CAAP1: variants seen among roughly 807,000 people sequenced by gnomAD.
CAAP1 encodes caspase activity and apoptosis inhibitor 1.
CAAP1 carries 20 observed loss-of-function variants against 34.0 expected under a neutral mutation model. The observed-to-expected ratio is 0.59, with a 90% CI of 0.41 to 0.86. The LOEUF (loss-of-function observed/expected upper bound fraction) is 0.86, where lower values mean the gene tolerates loss of function less well. CAAP1 is among the 40% of genes least tolerant of loss of function. CAAP1 has a pLI of 0.00. For synonymous variants in CAAP1, 213 were observed against 166.7 expected (o/e 1.28, Z -2.14); for missense variants, 538 against 450.5 (o/e 1.19, Z -1.76).
chr9:26,872,606 G>GAC (rs1823307651), intron 4 of CAAP1, among the ~76,000 whole-genome samples: 2 of 147,824 alleles, frequency 1.4e-5, no homozygotes, highest in African/African-American at 5.2e-5. Context: ...GCCCAGGCTG[G>GAC]AGTGCAGTGG....
At chr9:26,846,643 G>C (rs930057405) in intron 5 of CAAP1, among the ~76,000 whole-genome samples, 4 of 151,674 alleles carry the variant, frequency 2.6e-5, no homozygotes, top group African/African-American at 9.7e-5. Context: ...TCTTGTAAAA[G>C]GTTGAAGAAA....
chr9:26,878,656 G>T (rs1192563443), intron 4 of CAAP1, among the ~76,000 whole-genome samples: 1 of 152,006 alleles, frequency 6.6e-6, no homozygotes, highest in South Asian at 2.1e-4. Flanking sequence ...AGTAAACCAA[G>T]TTCCACCACT....
Position 26,842,682 on chromosome 9 carries a change from T to C in CAAP1, c.740-35A>G, listed in dbSNP as rs1408384571. On this transcript the variant is annotated intron_variant, in intron 5 of 5. Transcript: ENST00000333916. ...AAAAAGGAGAAAGATCCATGTAACC[T>C]AAATACCATGGGTCACAATTTCCTT... is the stretch of plus-strand genomic sequence containing the variant. 25 of 1,496,748 alleles carry C rather than the reference T, an allele frequency of 1.7e-5. No individual in the cohort carries two copies. In the East Asian group the frequency reaches 4.8e-4, roughly 28 times the overall value. The allele number at this position is 1,496,748 out of a possible 1,614,324, so 92.7% of individuals were successfully genotyped here.
chr9:26,861,045 A>T (rs1822991719), intron 5 of CAAP1, 21 bp downstream of exon 5: 1 of 1,539,480 alleles, frequency 6.5e-7, no homozygotes, highest in African/African-American at 1.4e-5. Context: ...TTTATACAAT[A>T]ATCAAGTACT....
chr9:26,887,526 G>A lies in CAAP1; in HGVS notation c.304-13C>T. On this transcript the variant is annotated splice_polypyrimidine_tract_variant and intron_variant, in intron 1 of 5. Coordinates refer to ENST00000333916, the MANE Select transcript of CAAP1 (RefSeq NM_024828.4). ...TATATTTAGTTTCCTAAAGTTAAAA[G>A]AATAAAGAACCATTAAACAATACTA... is the stretch of plus-strand genomic sequence containing the variant. 1 of 1,508,536 alleles carries A rather than the reference G, an allele frequency of 6.6e-7. No homozygotes were observed. The highest frequency in any genetic ancestry group is 9.1e-7 in the Non-Finnish European group (1 of 1,104,790). 93.4% of individuals were successfully genotyped at this position (1,508,536 alleles called of 1,614,324 possible).
intron 5 of CAAP1, among the ~76,000 whole-genome samples, chr9:26,856,542 TAGA>T (rs779663811): frequency 4.3e-4 from 65 of 152,322 alleles, no homozygotes; most frequent in Admixed American, 8.5e-4. Flanking sequence ...AGAAAGGAAC[TAGA>T]AGATCAAGGC....
chr9:26,850,239 A>G (rs1348861124), intron 5 of CAAP1, among the ~76,000 whole-genome samples: 1 of 152,208 alleles, frequency 6.6e-6, no homozygotes. Context: ...ACTAGACTTT[A>G]TTTGAAGGAG....
chr9:26,885,184 C>G (rs1341503261), intron 3 of CAAP1, among the ~76,000 whole-genome samples: 1 of 149,092 alleles, frequency 6.7e-6, no homozygotes, highest in Non-Finnish European at 1.5e-5. Flanking sequence ...TCTAGCAATT[C>G]TCCTGCCTCA....
chr9:26,852,607 G>A (rs1482402875), intron 5 of CAAP1, among the ~76,000 whole-genome samples: 1 of 152,170 alleles, frequency 6.6e-6, no homozygotes, highest in Non-Finnish European at 1.5e-5. Context: ...AATAAGTTTA[G>A]ATTTCAGATT....
At chr9:26,887,561 T>C (rs779380221) in intron 1 of CAAP1, 48 bp from the exon 2 acceptor site, 10 of 1,129,062 alleles carry the variant, frequency 8.9e-6, no homozygotes, top group African/African-American at 1.6e-5. Flanking sequence ...ACTTAAAATA[T>C]AAAGAATACG....
rs1434013198 is a variant in CAAP1 at position 26,841,826 on chromosome 9, T to G, written c.*475A>C. 1 of 152,446 alleles carries G rather than the reference T, an allele frequency of 6.6e-6. No homozygotes were observed. Among genetic ancestry groups the G allele is most frequent in the Non-Finnish European group, 1.5e-5 (1 of 68,044 alleles). 9.4% of individuals were successfully genotyped at this position (152,446 alleles called of 1,614,324 possible). Reference sequence around the variant, plus strand: ...TTTAACTAGGAAATTTGCATTTACATAAGGAATCTTCAAAATAGTATATAT... The same window carrying G: ...TTTAACTAGGAAATTTGCATTTACAGAAGGAATCTTCAAAATAGTATATAT... On this transcript the variant is annotated 3_prime_UTR_variant, in exon 6 of 6. Transcript: ENST00000333916.
At chr9:26,883,694 T>C (rs1823658133) in intron 4 of CAAP1, among the ~76,000 whole-genome samples, 1 of 152,100 alleles carries the variant, frequency 6.6e-6, no homozygotes, top group Non-Finnish European at 1.5e-5. Context: ...AGAAACAAAA[T>C]GTTGATCAAC....
Position 26,891,425 on chromosome 9 carries a change from TAA to T in CAAP1, c.303+986_303+987del, listed in dbSNP as rs1329582979. Among the ~76,000 whole-genome samples, 10 of 152,296 alleles carry T rather than the reference TAA, an allele frequency of 6.6e-5. No homozygotes were observed. In the South Asian group the frequency reaches 1.9e-3, roughly 28 times the overall value. ...ATATACTGTTTGGACTATAAATCTG[TAA>T]AGTCTCATTTGGAAAGCATTTGGTG... On this transcript the variant is annotated intron_variant, in intron 1 of 5. Coordinates refer to ENST00000333916, the MANE Select transcript of CAAP1 (RefSeq NM_024828.4).
chr9:26,868,899 C>CT (rs146144158), intron 4 of CAAP1, among the ~76,000 whole-genome samples: 194 of 152,288 alleles, frequency 1.3e-3, no homozygotes, highest in Non-Finnish European at 2.3e-3. Flanking sequence ...AGAGAAACCA[C>CT]ATGTAAAAGA....
At chr9:26,892,295 C>T in intron 1 of CAAP1, 118 bp downstream of exon 1, 1 of 1,537,194 alleles carries the variant, frequency 6.5e-7, no homozygotes, top group Non-Finnish European at 8.7e-7. Context: ...CAAGGACGGA[C>T]GACCTTGAGA....
At chr9:26,867,164 T>C (rs1002272271) in intron 4 of CAAP1, among the ~76,000 whole-genome samples, 2 of 152,170 alleles carry the variant, frequency 1.3e-5, no homozygotes, top group South Asian at 4.2e-4. Flanking sequence ...ACATATTCCC[T>C]GATGGAAAAA....
intron 3 of CAAP1, among the ~76,000 whole-genome samples, chr9:26,885,117 C>T (rs1190795932): frequency 1.3e-5 from 2 of 148,352 alleles, no homozygotes; most frequent in African/African-American, 5.0e-5. Flanking sequence ...CACACTGTCA[C>T]CCCGGCTGGT....
At chr9:26,848,329 C>T (rs1259438584) in intron 5 of CAAP1, among the ~76,000 whole-genome samples, 4 of 152,198 alleles carry the variant, frequency 2.6e-5, no homozygotes, top group South Asian at 2.1e-4. Flanking sequence ...CTGGCTAACA[C>T]AGTGAAGCCC....
Position 26,877,407 on chromosome 9 carries a change from T to A in CAAP1, c.665+7403A>T, listed in dbSNP as rs1008310176. ...TACTCTATGACGTTTGCACAACAAA[T>A]CACCTAACTATACATCTCTCAGTGC... is the stretch of plus-strand genomic sequence containing the variant. On this transcript the variant is annotated intron_variant, in intron 4 of 5. Transcript: ENST00000333916. Among the ~76,000 whole-genome samples, 67 of 152,188 alleles carry A rather than the reference T, an allele frequency of 4.4e-4. 2 individuals are homozygous for A. Among genetic ancestry groups the A allele is most frequent in the African/African-American group, 1.6e-3 (65 of 41,458 alleles).
Sources: gnomAD v4.1 joint callset for allele counts (sites outside exome capture counted in the v4.1 genomes callset) on GRCh38, gnomAD v4.1.1 for gene constraint, MANE v1.5 for transcripts, NCBI Gene and HGNC (gene_info 2026-07-23, HGNC 2026-07-21) for gene names.